Variants in FGGY observed in about 807,000 individuals in gnomAD.
FGGY encodes the protein FGGY carbohydrate kinase domain containing.
In FGGY, 72 loss-of-function variants were observed where a neutral mutation model predicts 71.3. That is an observed-to-expected ratio of 1.01 (90% CI 0.84 to 1.23). The LOEUF (loss-of-function observed/expected upper bound fraction) is 1.23. Among genes scored for constraint, FGGY ranks in the 50% most tolerant of loss-of-function variants. The probability of loss-of-function intolerance (pLI) is 0.00; values close to 1 mark genes in which losing one functional copy is unlikely to be tolerated. For missense variants in FGGY, 668 were observed against 682.3 expected (o/e 0.98, Z 0.23); for synonymous variants, 251 against 250.3 (o/e 1.00, Z -0.02).
chr1:59,761,605 T>C (rs866272731), intron 15 of FGGY, among the ~76,000 whole-genome samples: 1 of 152,348 alleles, frequency 6.6e-6, no homozygotes, highest in Middle Eastern at 3.4e-3. Context: ...AGGATTATGA[T>C]GCCAGAGCAG....
At chr1:59,459,036 C>A (rs2091961416) in intron 6 of FGGY, among the ~76,000 whole-genome samples, 1 of 152,156 alleles carries the variant, frequency 6.6e-6, no homozygotes, top group Non-Finnish European at 1.5e-5. Context: ...AACCTTTTAG[C>A]AGATTTGAGC....
At chr1:59,632,140 G>A (rs1031152886) in intron 10 of FGGY, among the ~76,000 whole-genome samples, 1 of 152,146 alleles carries the variant, frequency 6.6e-6, no homozygotes, top group African/African-American at 2.4e-5. Flanking sequence ...AGCAAACAAA[G>A]TCTTTGCTTT....
intron 11 of FGGY, among the ~76,000 whole-genome samples, chr1:59,638,866 G>A (rs959543834): frequency 1.3e-5 from 2 of 152,206 alleles, no homozygotes; most frequent in Admixed American, 6.5e-5. Context: ...TATAACTTAT[G>A]TTGGAAAATA....
At chr1:59,652,120 C>G (rs2097168772) in intron 11 of FGGY, among the ~76,000 whole-genome samples, 1 of 152,188 alleles carries the variant, frequency 6.6e-6, no homozygotes, top group African/African-American at 2.4e-5. Flanking sequence ...GCCGAGAGAT[C>G]AGCCGTTAGT....
At chr1:59,353,016 A>G (rs2053596476) in intron 4 of FGGY, among the ~76,000 whole-genome samples, 1 of 152,176 alleles carries the variant, frequency 6.6e-6, no homozygotes, top group African/African-American at 2.4e-5. Flanking sequence ...CACTAATACA[A>G]GATATTGAGG....
At chr1:59,482,957 G>T (rs1569800103) in intron 6 of FGGY, among the ~76,000 whole-genome samples, 1 of 152,058 alleles carries the variant, frequency 6.6e-6, no homozygotes, top group Non-Finnish European at 1.5e-5. Flanking sequence ...CACCTGGGGG[G>T]ATTCTTAAAA....
chr1:59,472,319 C>T (rs1300045860), intron 6 of FGGY, among the ~76,000 whole-genome samples: 2 of 152,338 alleles, frequency 1.3e-5, no homozygotes, highest in South Asian at 4.1e-4. Context: ...AGCTGCCTTC[C>T]CGCGGGGCAG....
At chr1:59,533,421 G>A (rs1290050148) in intron 7 of FGGY, among the ~76,000 whole-genome samples, 6 of 152,254 alleles carry the variant, frequency 3.9e-5, no homozygotes, top group Non-Finnish European at 7.3e-5. Context: ...GCGAGGCTGG[G>A]GGAGGGGCGC....
At chr1:59,395,695 C>A (rs986826828) in intron 5 of FGGY, among the ~76,000 whole-genome samples, 2 of 152,150 alleles carry the variant, frequency 1.3e-5, no homozygotes, top group African/African-American at 4.8e-5. Flanking sequence ...CTTCAGTCCT[C>A]CCAATATTCT....
At chr1:59,404,658 C>A (rs183012348) in intron 5 of FGGY, among the ~76,000 whole-genome samples, 1 of 152,066 alleles carries the variant, frequency 6.6e-6, no homozygotes, top group African/African-American at 2.4e-5. Flanking sequence ...TGAACTAATT[C>A]AAGGGATGTT....
intron 6 of FGGY, among the ~76,000 whole-genome samples, chr1:59,467,336 C>T (rs929418153): frequency 5.3e-5 from 8 of 151,664 alleles, no homozygotes; most frequent in African/African-American, 1.5e-4. Flanking sequence ...GAATATACAC[C>T]AGGGCCTGTC....
chr1:59,405,445 G>A (rs535293385), intron 5 of FGGY, among the ~76,000 whole-genome samples: 1 of 152,168 alleles, frequency 6.6e-6, no homozygotes, highest in African/African-American at 2.4e-5. Context: ...GAGTAGATTT[G>A]TACATAGAAA....
intron 5 of FGGY, among the ~76,000 whole-genome samples, chr1:59,394,781 A>G (rs1181027942): frequency 6.6e-6 from 1 of 152,108 alleles, no homozygotes; most frequent in Non-Finnish European, 1.5e-5. Context: ...CCTTATCCAG[A>G]CAGCTCCAAA....
intron 5 of FGGY, among the ~76,000 whole-genome samples, chr1:59,444,485 A>G (rs1236725006): frequency 6.6e-6 from 1 of 152,060 alleles, no homozygotes; most frequent in Non-Finnish European, 1.5e-5. Flanking sequence ...TTACAGTGGT[A>G]TAGAACAGGG....
chr1:59,310,926 T>G (rs938018599), intron 1 of FGGY, among the ~76,000 whole-genome samples: 2 of 152,222 alleles, frequency 1.3e-5, no homozygotes. Context: ...CCTCTCCTCC[T>G]TCACAACCCA....
chr1:59,425,614 A>G (rs181700163), intron 5 of FGGY, among the ~76,000 whole-genome samples: 25 of 152,250 alleles, frequency 1.6e-4, no homozygotes, highest in South Asian at 4.2e-4. Context: ...GTTCCTATAG[A>G]CATTGGAGTT....
At chr1:59,644,065 A>G (rs986881869) in intron 11 of FGGY, among the ~76,000 whole-genome samples, 5 of 151,964 alleles carry the variant, frequency 3.3e-5, no homozygotes. Flanking sequence ...CTGACCACCA[A>G]CCTTGTGGCT....
intron 2 of FGGY, among the ~76,000 whole-genome samples, chr1:59,327,035 G>A (rs546855686): frequency 6.6e-6 from 1 of 152,310 alleles, no homozygotes; most frequent in Non-Finnish European, 1.5e-5. Flanking sequence ...TTTTCCTGGT[G>A]GAGGGTTTTA....
intron 7 of FGGY, among the ~76,000 whole-genome samples, chr1:59,549,300 T>C (rs1251531850): frequency 6.6e-6 from 1 of 152,200 alleles, no homozygotes; most frequent in Non-Finnish European, 1.5e-5. Flanking sequence ...TCCAAATGAC[T>C]GAATCAAGAG....
Sources: allele counts gnomAD v4.1 joint callset (sites outside exome capture counted in the v4.1 genomes callset), GRCh38; gene constraint gnomAD v4.1.1; transcripts MANE v1.5; gene names NCBI Gene and HGNC (gene_info 2026-07-23, HGNC 2026-07-21).